The following PDE4D variants were observed in gnomAD, a reference collection of about 807,000 sequenced individuals.
PDE4D encodes the protein 3',5'-cyclic-AMP phosphodiesterase 4D.
A neutral mutation model predicts 87.4 loss-of-function variants in PDE4D; 24 were observed. The observed-to-expected ratio is 0.27, with a 90% CI of 0.20 to 0.39. The LOEUF (loss-of-function observed/expected upper bound fraction) is 0.39, where lower values mean the gene tolerates loss of function less well. PDE4D is among the 10% of genes least tolerant of loss of function. The pLI, the probability that PDE4D is intolerant of heterozygous loss-of-function variation, is 1.00. For missense variants in PDE4D, 714 were observed against 1,041.0 expected (o/e 0.69, Z 4.32); for synonymous variants, 384 against 383.2 (o/e 1.00, Z -0.02).
chr5:59,013,204 T>C (rs1753204669), intron 6 of PDE4D, among the ~76,000 whole-genome samples: 1 of 152,064 alleles, frequency 6.6e-6, no homozygotes, highest in African/African-American at 2.4e-5. Flanking sequence ...GCAGGAAAGA[T>C]CTAAAATTGA....
intron 5 of PDE4D, among the ~76,000 whole-genome samples, chr5:59,047,054 A>C (rs1173144387): frequency 6.6e-6 from 1 of 152,178 alleles, no homozygotes; most frequent in Non-Finnish European, 1.5e-5. Flanking sequence ...TTTTAGTTCA[A>C]GTGAGAGGTT....
chr5:59,210,273 G>A (rs962422538), intron 2 of PDE4D, among the ~76,000 whole-genome samples: 3 of 152,160 alleles, frequency 2.0e-5, no homozygotes, highest in African/African-American at 7.2e-5. Flanking sequence ...TCTTCCTAGT[G>A]AGACCAGGGA....
At chr5:59,021,685 A>G (rs560684503) in intron 6 of PDE4D, among the ~76,000 whole-genome samples, 1 of 152,222 alleles carries the variant, frequency 6.6e-6, no homozygotes, top group African/African-American at 2.4e-5. Context: ...TTATTTATCC[A>G]AGGTTGCAAC....
At chr5:59,989,705 G>T (rs999379251) in intron 2 of PDE4D, among the ~76,000 whole-genome samples, 14 of 152,082 alleles carry the variant, frequency 9.2e-5, no homozygotes, top group African/African-American at 3.1e-4. Flanking sequence ...TTTGATTCTA[G>T]TTGAGAAAAA....
intron 5 of PDE4D, among the ~76,000 whole-genome samples, chr5:59,159,044 G>A (rs1373455591): frequency 6.6e-6 from 1 of 152,156 alleles, no homozygotes; most frequent in East Asian, 1.9e-4. Flanking sequence ...TCTAAAGAGT[G>A]TTCAAGGCCC....
At chr5:59,735,886 C>T (rs1022688677) in intron 1 of PDE4D, among the ~76,000 whole-genome samples, 126 of 152,046 alleles carry the variant, frequency 8.3e-4, no homozygotes, top group African/African-American at 2.9e-3. Flanking sequence ...TCAGGCTGAT[C>T]TTGAACTCCT....
In PDE4D at chr5:58,973,253, G is replaced by A. The variant is rs1307519236; in HGVS notation, c.*1411C>T. 2.6e-5 allele frequency: 4 copies of A among 152,106 alleles called. No individual in the cohort carries two copies. Among genetic ancestry groups the A allele is most frequent in the Non-Finnish European group, 4.4e-5 (3 of 68,012 alleles). The allele number at this position is 152,106 out of a possible 1,614,324, so 9.4% of individuals were successfully genotyped here. On this transcript the variant is annotated 3_prime_UTR_variant, in exon 15 of 15. Coordinates refer to ENST00000340635, the MANE Select transcript of PDE4D (RefSeq NM_001104631.2). The stretch of plus-strand genomic sequence containing the variant: ...AAAGCTAGTCATGATATACAACCTC[G>A]TGGTTGAAATGAATGTTAACCCTAA...
chr5:59,596,482 G>A (rs1826702812), intron 1 of PDE4D, among the ~76,000 whole-genome samples: 1 of 151,720 alleles, frequency 6.6e-6, no homozygotes, highest in African/African-American at 2.4e-5. Context: ...CATGTAGTGG[G>A]GTACATGCTC....
chr5:59,275,453 C>T (rs1764619600), intron 1 of PDE4D: 2 of 1,582,104 alleles, frequency 1.3e-6, no homozygotes, highest in East Asian at 4.5e-5. Flanking sequence ...CTGATTAATA[C>T]ATTCTAACTG....
At chr5:60,499,592 G>A (rs966856688) in intron 1 of PDE4D, among the ~76,000 whole-genome samples, 1 of 152,170 alleles carries the variant, frequency 6.6e-6, no homozygotes, top group Admixed American at 6.5e-5. Context: ...TTTTCCACAA[G>A]AGAAAATTCT....
intron 1 of PDE4D, among the ~76,000 whole-genome samples, chr5:60,369,549 AG>A (rs1174070378): frequency 1.3e-5 from 2 of 152,142 alleles, no homozygotes; most frequent in Non-Finnish European, 2.9e-5. Flanking sequence ...GGATGCAGAC[AG>A]GGGTTGAGTG....
chr5:60,447,858 G>A (rs746718537), intron 1 of PDE4D, among the ~76,000 whole-genome samples: 2 of 152,140 alleles, frequency 1.3e-5, no homozygotes, highest in South Asian at 2.1e-4. Context: ...CAGAATTACC[G>A]TTACTATACT....
intron 1 of PDE4D, among the ~76,000 whole-genome samples, chr5:59,641,630 CA>C (rs1287201153): frequency 3.9e-5 from 6 of 152,230 alleles, no homozygotes; most frequent in Non-Finnish European, 8.8e-5. Context: ...CACATCAATA[CA>C]AAACCAGGCA....
chr5:59,998,200 T>C (rs1763691102), intron 2 of PDE4D, among the ~76,000 whole-genome samples: 1 of 151,834 alleles, frequency 6.6e-6, no homozygotes, highest in Admixed American at 6.6e-5. Context: ...AATGTAACAT[T>C]GCCCCCATTT....
At chr5:59,414,088 G>A (rs138410553) in intron 1 of PDE4D, among the ~76,000 whole-genome samples, 39 of 152,328 alleles carry the variant, frequency 2.6e-4, no homozygotes, top group African/African-American at 8.9e-4. Context: ...CATTTTAGAA[G>A]CTACATGATT....
intron 2 of PDE4D, among the ~76,000 whole-genome samples, chr5:60,009,916 T>C (rs147337871): frequency 0.011 from 1,606 of 152,126 alleles, 34 homozygotes; most frequent in African/African-American, 0.037. Context: ...TGGAGAAAAT[T>C]GAGATAATTT....
At chr5:59,003,247 G>A (rs1357278815) in intron 6 of PDE4D, among the ~76,000 whole-genome samples, 3 of 152,104 alleles carry the variant, frequency 2.0e-5, no homozygotes, top group Admixed American at 2.0e-4. Flanking sequence ...ACATCCCTCT[G>A]TAAATTCCAG....
chr5:59,639,629 A>G (rs1038136862), intron 1 of PDE4D, among the ~76,000 whole-genome samples: 4 of 152,174 alleles, frequency 2.6e-5, no homozygotes, highest in Non-Finnish European at 5.9e-5. Context: ...TGAATTTCAA[A>G]TTGAACTTGT....
At chr5:59,657,359 G>A (rs956510411) in intron 1 of PDE4D, among the ~76,000 whole-genome samples, 1 of 152,096 alleles carries the variant, frequency 6.6e-6, no homozygotes, top group Non-Finnish European at 1.5e-5. Context: ...CAAGGCTTGT[G>A]ATTTTTTCCC....
Sources: allele counts gnomAD v4.1 joint callset (sites outside exome capture counted in the v4.1 genomes callset), GRCh38; gene constraint gnomAD v4.1.1; transcripts MANE v1.5; gene names NCBI Gene and HGNC (gene_info 2026-07-23, HGNC 2026-07-21).